HID1: variants seen among roughly 807,000 people sequenced by gnomAD.
HID1 encodes protein HID1.
A neutral mutation model predicts 89.7 loss-of-function variants in HID1; 42 were observed. The ratio of observed to expected loss-of-function variants is 0.47; its 90% CI spans 0.37 to 0.61. The LOEUF (loss-of-function observed/expected upper bound fraction) is 0.61. Among genes scored for constraint, HID1 ranks in the 20% least tolerant of loss-of-function variants. The pLI is 0.00. For synonymous variants in HID1, 442 were observed against 433.8 expected (o/e 1.02, Z -0.24); for missense variants, 854 against 1,039.3 (o/e 0.82, Z 2.45).
In HID1 at chr17:74,958,033, T is replaced by C. The variant is rs144717960; in HGVS notation, c.1471+108A>G. On this transcript the variant is annotated intron_variant, in intron 12 of 18. Transcript: ENST00000425042. The surrounding 1 kb of genome is among the most constrained non-coding windows in gnomAD (Gnocchi z 5.2). ...CTATGAAGGGTACACAAGCTTGCGT[T>C]CTTTCTGTGGGCTGGAGGGGCTTGA... is the stretch of plus-strand genomic sequence containing the variant. 89 of 963,508 alleles carry C rather than the reference T, an allele frequency of 9.2e-5. 1 individual carries two copies. In the African/African-American group the frequency reaches 1.1e-3, roughly 12 times the overall value. 59.7% of individuals were successfully genotyped at this position (963,508 alleles called of 1,614,324 possible).
Position 74,963,927 on chromosome 17 carries a change from G to A in HID1, c.217-17C>T. The stretch of plus-strand genomic sequence containing the variant: ...CTCAACGGCCTGTGGGGGCAGGCAG[G>A]AGCAGAGGGCAGGCTGGAAGGTGGG... On this transcript the variant is annotated splice_polypyrimidine_tract_variant and intron_variant, in intron 2 of 18. Transcript: ENST00000425042. 2 of 1,613,410 alleles carry A rather than the reference G, an allele frequency of 1.2e-6. No individual in the cohort carries two copies. Among genetic ancestry groups the A allele is most frequent in the Non-Finnish European group, 1.7e-6 (2 of 1,179,712 alleles).
chr17:74,965,253 A>T (rs2039544698), intron 1 of HID1, among the ~76,000 whole-genome samples: 1 of 152,058 alleles, frequency 6.6e-6, no homozygotes, highest in Non-Finnish European at 1.5e-5. Context: ...CACCTCTTTC[A>T]ACCCTGCCTC....
In HID1 at chr17:74,962,371, G is replaced by T. The variant is rs879907788; in HGVS notation, c.505-31C>A. 1 of 1,528,370 alleles carries T rather than the reference G, an allele frequency of 6.5e-7. No individual in the cohort carries two copies. The highest frequency in any genetic ancestry group is 9.0e-7 in the Non-Finnish European group (1 of 1,108,820). 94.7% of individuals were successfully genotyped at this position (1,528,370 alleles called of 1,614,324 possible). ...GACAGGCCAGGAAGAAGCCGGGTTA[G>T]GGGGTCGAGAGGTGAACAGCAGCCT... On this transcript the variant is annotated intron_variant, in intron 4 of 18. Transcript: ENST00000425042. This position sits in a 1 kb window ranked among gnomAD's most constrained non-coding sequence, Gnocchi z 4.3.
chr17:74,951,603 G>T lies in HID1; in HGVS notation c.2334C>A (p.Thr778=), dbSNP rs770889211. The T allele has an allele frequency of 6.2e-7, 1 of 1,612,844 alleles. No individual in the cohort carries two copies. The highest frequency in any genetic ancestry group is 8.5e-7 in the Non-Finnish European group (1 of 1,179,552). ...GCTGTATCTCAAACAGCTTCACGTC[G>T]GTGTCGTACCAGACAGGGGGGTCCA... ...RNVDPPVWYD[T]DVKLFEIQRV is the part of the protein sequence containing the mutation. The change falls in exon 19 of 19, where the codon ACC becomes ACA. Residue 778 remains threonine (T), a synonymous_variant. Transcript: ENST00000425042.
chr17:74,962,207 A>C lies in HID1; in HGVS notation c.611+27T>G. The C allele has an allele frequency of 1.3e-6, 2 of 1,562,870 alleles. No individual in the cohort carries two copies. Among genetic ancestry groups the C allele is most frequent in the Non-Finnish European group, 1.8e-6 (2 of 1,139,928 alleles). On this transcript the variant is annotated intron_variant, in intron 5 of 18. Coordinates refer to ENST00000425042, the MANE Select transcript of HID1 (RefSeq NM_030630.3). The surrounding 1 kb of genome is among the most constrained non-coding windows in gnomAD (Gnocchi z 4.3). Reference sequence around the variant, plus strand: ...CCCGGCCCGGGGTCCAGCTGCATTGAGGGCTCCGGGCCTGGGCGAAGCTCA... The same window carrying C: ...CCCGGCCCGGGGTCCAGCTGCATTGCGGGCTCCGGGCCTGGGCGAAGCTCA...
chr17:74,961,250 A>G (rs1025022753), intron 6 of HID1, among the ~76,000 whole-genome samples: 4 of 152,060 alleles, frequency 2.6e-5, no homozygotes, highest in African/African-American at 9.7e-5. Context: ...TATGAAATAT[A>G]TTATTAATTA....
In HID1 at chr17:74,952,402, C is replaced by T. The variant is rs563246062; in HGVS notation, c.2053-42G>A. ...TTCCTGGGGCTGAGAAAGCAGCCCC[C>T]GGAGGCTGCGGGGCAAGCCTGACCC... On this transcript the variant is annotated intron_variant, in intron 16 of 18. Coordinates refer to ENST00000425042, the MANE Select transcript of HID1 (RefSeq NM_030630.3). 9 of 1,486,626 alleles carry T rather than the reference C, an allele frequency of 6.1e-6. No homozygotes were observed. The African/African-American group carries it at 6.9e-5, about 11-fold the overall frequency. 92.1% of individuals were successfully genotyped at this position (1,486,626 alleles called of 1,614,324 possible). A position where few individuals can be genotyped will look rare whatever the true frequency, so the allele number is the denominator to read the frequency against.
chr17:74,962,438 G>A lies in HID1; in HGVS notation c.505-98C>T, dbSNP rs2039496819. 5.7e-6 allele frequency: 4 copies of A among 696,564 alleles called. No homozygotes were observed. The highest frequency in any genetic ancestry group is 9.8e-6 in the Non-Finnish European group (4 of 409,670). The allele number at this position is 696,564 out of a possible 1,614,324, so 43.1% of individuals were successfully genotyped here. A position where few individuals can be genotyped will look rare whatever the true frequency, so the allele number is the denominator to read the frequency against. Reference sequence around the variant, plus strand: ...ACCTCGAGCCTCACACAGTCCCAGGGGCAGAGACCGCCAGTTCTCCTAAAG... The same window carrying A: ...ACCTCGAGCCTCACACAGTCCCAGGAGCAGAGACCGCCAGTTCTCCTAAAG... On this transcript the variant is annotated intron_variant, in intron 4 of 18. Coordinates refer to ENST00000425042, the MANE Select transcript of HID1 (RefSeq NM_030630.3). This position sits in a 1 kb window ranked among gnomAD's most constrained non-coding sequence, Gnocchi z 4.3.
chr17:74,956,322 C>T (rs1346252785), intron 12 of HID1, among the ~76,000 whole-genome samples: 1 of 152,144 alleles, frequency 6.6e-6, no homozygotes, highest in African/African-American at 2.4e-5. Context: ...GGCCCAAGTT[C>T]CCCAGTAATG....
At chr17:74,961,719 G>A in intron 6 of HID1, 154 bp downstream of exon 6, 1 of 419,630 alleles carries the variant, frequency 2.4e-6, no homozygotes, top group Non-Finnish European at 4.3e-6. Flanking sequence ...AGGAGAGACG[G>A]GGCTAGTGTG....
chr17:74,954,172 T>C lies in HID1; in HGVS notation c.1830A>G (p.Pro610=). ...CCACCAGACTGGTCTTGAGGGTGCC[T>C]GGCTCTGCAGGGGCAGCGGGGCGGG... ...EGSRPAAPAE[P]GTLKTSLVAT... Residue 610 remains proline (P), a synonymous_variant, in exon 14 of 19, where the codon CCA becomes CCG. Transcript: ENST00000425042. 6.2e-7 allele frequency: 1 copy of C among 1,602,464 alleles called. No homozygotes were observed. Among genetic ancestry groups the C allele is most frequent in the South Asian group, 1.1e-5 (1 of 88,326 alleles).
In HID1 at chr17:74,963,092, A is replaced by T. The variant is rs754154019; in HGVS notation, c.388-11T>A. On this transcript the variant is annotated splice_polypyrimidine_tract_variant and intron_variant, in intron 3 of 18. Coordinates refer to ENST00000425042, the MANE Select transcript of HID1 (RefSeq NM_030630.3). The stretch of plus-strand genomic sequence containing the variant: ...ATCCTCTTCTCCCTGCTGGGGACAC[A>T]GCACCCACAGGCTGCCTCAGTGATA... 3.9e-5 allele frequency: 61 copies of T among 1,571,624 alleles called. No homozygotes were observed. The South Asian group carries it at 5.6e-4, about 14-fold the overall frequency.
chr17:74,960,043 C>T lies in HID1; in HGVS notation c.934G>A (p.Ala312Thr), dbSNP rs539424210. The T allele has an allele frequency of 5.0e-5, 81 of 1,613,256 alleles. No individual in the cohort carries two copies. The highest frequency in any genetic ancestry group is 1.3e-4 in the Admixed American group (8 of 59,996). Reference sequence around the variant, plus strand: ...ATCCTTACATCGGCATCATCCATGGCGGTGCCAGTGGTGGTGCCGTCCACA... The same window carrying T: ...ATCCTTACATCGGCATCATCCATGGTGGTGCCAGTGGTGGTGCCGTCCACA... ...PTVDGTTTGT[A>T]MDDADPPGPE... Residue 312 changes from alanine (A) to threonine (T), a missense_variant, in exon 7 of 19, where the codon GCC becomes ACC. Coordinates refer to ENST00000425042, the MANE Select transcript of HID1 (RefSeq NM_030630.3).
Position 74,972,721 on chromosome 17 carries a change from G to T in HID1, c.-65C>A. 1 of 1,432,854 alleles carries T rather than the reference G, an allele frequency of 7.0e-7. No individual in the cohort carries two copies. The highest frequency in any genetic ancestry group is 1.3e-5 in the South Asian group (1 of 75,944). The allele number at this position is 1,432,854 out of a possible 1,614,324, so 88.8% of individuals were successfully genotyped here. Reference sequence around the variant, plus strand: ...CCAACCCGGCTCCGGCTTCAGCTCCGGCTCCAGCTCCGCGGCCCCCGCGGC... The same window carrying T: ...CCAACCCGGCTCCGGCTTCAGCTCCTGCTCCAGCTCCGCGGCCCCCGCGGC... On this transcript the variant is annotated 5_prime_UTR_variant, in exon 1 of 19. Transcript: ENST00000425042. The surrounding 1 kb of genome is among the most constrained non-coding windows in gnomAD (Gnocchi z 6.4).
chr17:74,972,321 G>A lies in HID1; in HGVS notation c.66+270C>T, dbSNP rs1477606745. Among the ~76,000 whole-genome samples, 1 of 152,122 alleles carries A rather than the reference G, an allele frequency of 6.6e-6. No homozygotes were observed. Among genetic ancestry groups the A allele is most frequent in the Non-Finnish European group, 1.5e-5 (1 of 68,008 alleles). ...GGGCGGACAGCTGTGTCGCCGGCTC[G>A]GGGAGTAGGCACACGTCAGCCTAAG... On this transcript the variant is annotated intron_variant, in intron 1 of 18. Coordinates refer to ENST00000425042, the MANE Select transcript of HID1 (RefSeq NM_030630.3). The surrounding 1 kb of genome is among the most constrained non-coding windows in gnomAD (Gnocchi z 6.4).
In HID1 at chr17:74,953,554, C is replaced by T. The variant is rs2087718; in HGVS notation, c.1962G>A (p.Pro654=). 71,360 of 1,613,652 alleles carry T rather than the reference C, an allele frequency of 0.044. 8,488 individuals carry two copies. In the East Asian group the frequency reaches 0.53, roughly 12 times the overall value. The stretch of plus-strand genomic sequence containing the variant: ...AGTCCCCGTCACCCACCCCCTTAGC[C>T]GGGCTGCCATCCTCCAAGCTCTGCT... ...EPQQSLEDGS[P]AKGEPSQAWR... is the part of the protein sequence containing the mutation. Residue 654 remains proline, a synonymous_variant, in exon 15 of 19, where the codon CCG becomes CCA. Coordinates refer to ENST00000425042, the MANE Select transcript of HID1 (RefSeq NM_030630.3).
Position 74,952,072 on chromosome 17 carries a change from A to T in HID1, c.2145-9T>A. The T allele has an allele frequency of 6.4e-7, 1 of 1,555,268 alleles. No homozygotes were observed. Among genetic ancestry groups the T allele is most frequent in the Non-Finnish European group, 8.7e-7 (1 of 1,149,446 alleles). ...ACTCATCCGTCAGGCCCCTGCGGGG[A>T]GAGGGGTATCTCCAGCACACTCACG... On this transcript the variant is annotated splice_polypyrimidine_tract_variant and intron_variant, in intron 17 of 18. Coordinates refer to ENST00000425042, the MANE Select transcript of HID1 (RefSeq NM_030630.3).
chr17:74,954,673 T>C (rs2039361862), intron 13 of HID1: 4 of 444,276 alleles, frequency 9.0e-6, no homozygotes, highest in Non-Finnish European at 1.6e-5. Context: ...GGCCCCAGCA[T>C]GGCAGCATCC....
In HID1 at chr17:74,951,018, A is replaced by G. The variant is rs186667689; in HGVS notation, c.*552T>C. On this transcript the variant is annotated 3_prime_UTR_variant, in exon 19 of 19. Coordinates refer to ENST00000425042, the MANE Select transcript of HID1 (RefSeq NM_030630.3). ...CCTCACCACCCCACACCATGCCCCA[A>G]GGATACGGGAGGTGCCCCAGTCTGG... 86 of 153,544 alleles carry G rather than the reference A, an allele frequency of 5.6e-4. No homozygotes were observed. The highest frequency in any genetic ancestry group is 9.7e-4 in the Non-Finnish European group (67 of 68,976). 9.5% of individuals were successfully genotyped at this position (153,544 alleles called of 1,614,324 possible).
Sources: gnomAD v4.1 joint callset for allele counts (sites outside exome capture counted in the v4.1 genomes callset) on GRCh38, gnomAD v4.1.1 for gene constraint, Gnocchi (gnomAD v3.1) non-coding constraint, MANE v1.5 for transcripts, NCBI Gene and HGNC (gene_info 2026-07-23, HGNC 2026-07-21) for gene names.